LRRC37A2: variants seen among roughly 807,000 people sequenced by gnomAD.
The protein encoded by LRRC37A2 is leucine rich repeat containing 37 member A2, also known as leucine-rich repeat-containing protein 37A2.
A neutral mutation model predicts 68.8 loss-of-function variants in LRRC37A2; 9 were observed. The ratio of observed to expected loss-of-function variants is 0.13; its 90% CI spans 0.08 to 0.23. The LOEUF (loss-of-function observed/expected upper bound fraction) is 0.23. Ranked by LOEUF, LRRC37A2 falls within the 10% of genes least tolerant of loss-of-function variation. LRRC37A2 has a pLI of 1.00. For synonymous variants in LRRC37A2, 63 were observed against 367.6 expected, an observed-to-expected ratio of 0.17 and a Z score of 9.48; for missense variants, 168 against 950.4, an observed-to-expected ratio of 0.18 and a Z score of 10.82.
chr17:47,033,601 G>A, the LRRC37A2 span, among the ~76,000 whole-genome samples: 2 of 152,276 alleles, frequency 1.3e-5, no homozygotes, highest in East Asian at 3.9e-4. Flanking sequence ...AGCTAGAGCT[G>A]TTAGAATTTC....
chr17:46,831,282 C>G, the LRRC37A2 span: 1 of 152,218 alleles, frequency 6.6e-6, no homozygotes, highest in Non-Finnish European at 1.5e-5. Flanking sequence ...CTGGCAGAAC[C>G]CCAGAATTGC....
the LRRC37A2 span, among the ~76,000 whole-genome samples, chr17:47,006,613 A>C: frequency 6.6e-6 from 1 of 152,148 alleles, no homozygotes; most frequent in Admixed American, 6.5e-5. Context: ...CTCTGTCTCA[A>C]ATAAATAAAT....
At chr17:47,037,250 A>G in the LRRC37A2 span, among the ~76,000 whole-genome samples, 372 of 152,162 alleles carry the variant, frequency 2.4e-3, 3 homozygotes, top group South Asian at 0.019. Context: ...AGGTCACGCC[A>G]TTGCACTCAA....
the LRRC37A2 span, among the ~76,000 whole-genome samples, chr17:46,754,306 G>T: frequency 6.6e-6 from 1 of 150,666 alleles, no homozygotes; most frequent in Non-Finnish European, 1.5e-5. Context: ...TCTGTTCAGT[G>T]TTTTTCTGGG....
At chr17:47,039,812 T>C in the LRRC37A2 span, among the ~76,000 whole-genome samples, 1 of 139,480 alleles carries the variant, frequency 7.2e-6, no homozygotes, top group Non-Finnish European at 1.6e-5. Flanking sequence ...GTAAGCTTGA[T>C]GATGTGTTCC....
At chr17:46,951,579 A>G in the LRRC37A2 span, among the ~76,000 whole-genome samples, 1 of 152,178 alleles carries the variant, frequency 6.6e-6, no homozygotes, top group Non-Finnish European at 1.5e-5. Context: ...ACTTGTTCCC[A>G]GGGACTTTCT....
chr17:46,978,927 G>A, the LRRC37A2 span: 1 of 1,460,970 alleles, frequency 6.8e-7, no homozygotes, highest in Non-Finnish European at 9.0e-7. Flanking sequence ...CGTGGGTGCG[G>A]TTTCCCAGGG....
chr17:46,835,076 C>A, the LRRC37A2 span, among the ~76,000 whole-genome samples: 3 of 152,212 alleles, frequency 2.0e-5, no homozygotes, highest in Non-Finnish European at 4.4e-5. Context: ...CTCACTGTAG[C>A]CTCCATCTCC....
chr17:47,014,556 G>A, the LRRC37A2 span, among the ~76,000 whole-genome samples: 1 of 151,780 alleles, frequency 6.6e-6, no homozygotes, highest in East Asian at 1.9e-4. Context: ...GTATTTCTGG[G>A]GCTTTTCCTA....
the LRRC37A2 span, among the ~76,000 whole-genome samples, chr17:46,735,009 C>T: frequency 6.6e-6 from 1 of 152,140 alleles, no homozygotes; most frequent in Non-Finnish European, 1.5e-5. Flanking sequence ...TGATTCTTAC[C>T]ACCGCACTCT....
chr17:46,946,551 T>C, the LRRC37A2 span, among the ~76,000 whole-genome samples: 7 of 150,902 alleles, frequency 4.6e-5, no homozygotes, highest in Non-Finnish European at 7.4e-5. Flanking sequence ...TTGCAGCCCT[T>C]AAACAGAAAA....
At chr17:46,822,246 T>TAG in the LRRC37A2 span, among the ~76,000 whole-genome samples, 3,165 of 152,240 alleles carry the variant, frequency 0.021, 117 homozygotes, top group African/African-American at 0.072. Context: ...GCGAGCTCCC[T>TAG]AGAGGCCACT....
the LRRC37A2 span, chr17:46,930,904 C>T: frequency 1.7e-6 from 1 of 598,672 alleles, no homozygotes; most frequent in Admixed American, 2.9e-5. Flanking sequence ...CAGCTATATA[C>T]ATGTACTTTT....
chr17:46,837,945 A>C, the LRRC37A2 span, among the ~76,000 whole-genome samples: 2 of 152,136 alleles, frequency 1.3e-5, no homozygotes, highest in Non-Finnish European at 2.9e-5. Context: ...AATCACTCAG[A>C]GGGGCTTCAT....
At chr17:46,806,477 G>A in the LRRC37A2 span, among the ~76,000 whole-genome samples, 1 of 152,102 alleles carries the variant, frequency 6.6e-6, no homozygotes, top group Non-Finnish European at 1.5e-5. Flanking sequence ...CCAAAGTGCC[G>A]GGGTTACAGG....
At chr17:46,998,891 C>A in the LRRC37A2 span, 1 of 150,812 alleles carries the variant, frequency 6.6e-6, no homozygotes, top group Non-Finnish European at 1.5e-5. Context: ...CTGGCCTCTG[C>A]CCACCTGCAC....
At chr17:46,946,113 G>A in the LRRC37A2 span, among the ~76,000 whole-genome samples, 1 of 151,852 alleles carries the variant, frequency 6.6e-6, no homozygotes, top group African/African-American at 2.4e-5. Context: ...ATTCTCTGTC[G>A]TCACTCACTT....
chr17:46,940,573 A>C, the LRRC37A2 span: 1 of 1,614,224 alleles, frequency 6.2e-7, no homozygotes, highest in Non-Finnish European at 8.5e-7. Flanking sequence ...GGATCCTGCC[A>C]GACAGCACAC....
At chr17:46,437,674 A>C in the LRRC37A2 span, among the ~76,000 whole-genome samples, 1 of 150,626 alleles carries the variant, frequency 6.6e-6, no homozygotes, top group Non-Finnish European at 1.5e-5. Context: ...TATTTACTTG[A>C]ATTTATCCTC....
Sources: allele counts gnomAD v4.1 joint callset (sites outside exome capture counted in the v4.1 genomes callset), GRCh38; gene constraint gnomAD v4.1.1; transcripts MANE v1.5; gene names NCBI Gene and HGNC (gene_info 2026-07-23, HGNC 2026-07-21).